PPP1R16B: variants seen among roughly 807,000 people sequenced by gnomAD.
PPP1R16B encodes protein phosphatase 1 regulatory inhibitor subunit 16B.
A neutral mutation model predicts 61.7 loss-of-function variants in PPP1R16B; 14 were observed. The observed-to-expected ratio is 0.23, with a 90% CI of 0.15 to 0.35. The LOEUF (loss-of-function observed/expected upper bound fraction) is 0.35, where lower values mean the gene tolerates loss of function less well. Ranked by LOEUF, PPP1R16B falls within the 10% of genes least tolerant of loss-of-function variation. The pLI, the probability that PPP1R16B is intolerant of heterozygous loss-of-function variation, is 1.00. For missense variants in PPP1R16B, 547 were observed against 752.5 expected (o/e 0.73, Z 3.19); for synonymous variants, 266 against 305.3 (o/e 0.87, Z 1.34).
chr20:38,887,052 G>GGT (rs374859620), intron 2 of PPP1R16B, among the ~76,000 whole-genome samples: 4,136 of 150,484 alleles, frequency 0.027, 142 homozygotes, highest in African/African-American at 0.077. Context: ...GTGGGGCAAA[G>GGT]GTGTGTGTGT....
rs1435854913 is a variant in PPP1R16B, at chr20:38,899,211, G to GTCTCCAC, written c.468-1369_468-1368insCTCCACT. ...TGTACGAAAGCTCAGAGAAGTCACA[G>GTCTCCAC]TGGAGGGCTGTTAGGCCAAAGGACT... On this transcript the variant is annotated intron_variant, in intron 4 of 10. Coordinates refer to ENST00000299824, the MANE Select transcript of PPP1R16B (RefSeq NM_015568.4). Among the ~76,000 whole-genome samples the GTCTCCAC allele has an allele frequency of 1.5e-4, 23 of 152,350 alleles. 1 individual carries two copies. In the East Asian group the frequency reaches 4.2e-3, roughly 28 times the overall value.
chr20:38,918,883 A>C lies in PPP1R16B; in HGVS notation c.*217A>C. ...TGCTGCATCGTCTGCCATCTGACAC[A>C]AGGCCTGTCGTGGCCTCCTGGTTCA... On this transcript the variant is annotated 3_prime_UTR_variant, in exon 11 of 11. Coordinates refer to ENST00000299824, the MANE Select transcript of PPP1R16B (RefSeq NM_015568.4). The surrounding 1 kb of genome is among the most constrained non-coding windows in gnomAD (Gnocchi z 5.3). 1 of 509,246 alleles carries C rather than the reference A, an allele frequency of 2.0e-6. No individual in the cohort carries two copies. The highest frequency in any genetic ancestry group is 3.2e-6 in the Non-Finnish European group (1 of 312,586). 31.5% of individuals were successfully genotyped at this position (509,246 alleles called of 1,614,324 possible).
At chr20:38,902,572 A>G (rs1568682201) in intron 5 of PPP1R16B, 96 bp from the exon 6 acceptor site, 3 of 1,524,410 alleles carry the variant, frequency 2.0e-6, no homozygotes, top group East Asian at 2.3e-5. Context: ...GGCATATCCT[A>G]GGGAACAAGA....
intron 5 of PPP1R16B, among the ~76,000 whole-genome samples, chr20:38,901,348 C>G (rs918931082): frequency 1.7e-4 from 26 of 152,358 alleles, no homozygotes; most frequent in African/African-American, 6.3e-4. Flanking sequence ...CTATTCATCT[C>G]CTGCAGAGGT....
chr20:38,893,211 G>A (rs1182563079), intron 3 of PPP1R16B, among the ~76,000 whole-genome samples: 1 of 152,190 alleles, frequency 6.6e-6, no homozygotes, highest in East Asian at 1.9e-4. Context: ...CATTGTTATT[G>A]ACAATGTGAT....
rs1427820293 is a variant in PPP1R16B at position 38,907,156 on chromosome 20, A to G, written c.898+102A>G. 1.1e-6 allele frequency: 1 copy of G among 934,740 alleles called. No homozygotes were observed. The highest frequency in any genetic ancestry group is 1.7e-6 in the Non-Finnish European group (1 of 583,128). The allele number at this position is 934,740 out of a possible 1,614,324, so 57.9% of individuals were successfully genotyped here. A position where few individuals can be genotyped will look rare whatever the true frequency, so the allele number is the denominator to read the frequency against. On this transcript the variant is annotated intron_variant, in intron 8 of 10. Transcript: ENST00000299824. This position sits in a 1 kb window ranked among gnomAD's most constrained non-coding sequence, Gnocchi z 4.5. ...AATATATGGTTGTATAGATTGATGG[A>G]TTGGTGTCTAGATAGATAGATGGAT...
chr20:38,908,307 T>C (rs998570358), intron 10 of PPP1R16B, 114 bp downstream of exon 10: 3 of 1,335,986 alleles, frequency 2.2e-6, no homozygotes, highest in Non-Finnish European at 3.1e-6. Flanking sequence ...AGCCAGGCAC[T>C]GCCCTTAAAC....
rs182997275 is a variant in PPP1R16B at position 38,853,863 on chromosome 20, T to G, written c.250+17688T>G. ...TGGTCCTTTATCCAGCATGATGGTCTCAGGGTTCCAAGCAAGTAAGCCCCA... is the reference window on the plus strand; with the variant it reads ...TGGTCCTTTATCCAGCATGATGGTCGCAGGGTTCCAAGCAAGTAAGCCCCA... On this transcript the variant is annotated intron_variant, in intron 2 of 10. Transcript: ENST00000299824. Among the ~76,000 whole-genome samples, 21 of 152,314 alleles carry G rather than the reference T, an allele frequency of 1.4e-4. No homozygotes were observed. The East Asian group carries it at 3.7e-3, about 27-fold the overall frequency.
rs2085457690 is a variant in PPP1R16B, at chr20:38,907,931, C to T, written c.1024C>T (p.Arg342Cys). 1.2e-6 allele frequency: 2 copies of T among 1,614,040 alleles called. No homozygotes were observed. The highest frequency in any genetic ancestry group is 1.7e-6 in the Non-Finnish European group (2 of 1,180,022). ...CCGGAGGACCTCCAGCGCAGGCAGC[C>T]GTGGGTGAGTCCGGGGCAGGGCAGC... ...LSRRTSSAGS[R>C]GKVVRRASLS... is the part of the protein sequence containing the mutation. The change falls in exon 9 of 11, where the codon CGT becomes TGT. Residue 342 changes from arginine (R) to cysteine (C), a missense_variant. By Grantham distance (180) the Arg-to-Cys change is radical. Coordinates refer to ENST00000299824, the MANE Select transcript of PPP1R16B (RefSeq NM_015568.4). This position sits in a 1 kb window ranked among gnomAD's most constrained non-coding sequence, Gnocchi z 4.5.
chr20:38,858,942 G>A (rs928080613), intron 2 of PPP1R16B, among the ~76,000 whole-genome samples: 7 of 152,142 alleles, frequency 4.6e-5, no homozygotes, highest in Non-Finnish European at 7.4e-5. Context: ...GTAGTCCCAG[G>A]GCCTCCCCAT....
At chr20:38,873,079 C>T (rs1197887314) in intron 2 of PPP1R16B, 1 of 152,258 alleles carries the variant, frequency 6.6e-6, no homozygotes, top group African/African-American at 2.4e-5. Flanking sequence ...ACCCTTAGCT[C>T]AGGAGGGTGC....
chr20:38,892,046 T>C (rs2085296459), intron 3 of PPP1R16B, among the ~76,000 whole-genome samples: 2 of 150,462 alleles, frequency 1.3e-5, no homozygotes, highest in South Asian at 4.2e-4. Context: ...TATTATACCG[T>C]GCAACTTGGG....
chr20:38,848,775 A>T (rs1334272491), intron 2 of PPP1R16B, among the ~76,000 whole-genome samples: 13 of 152,190 alleles, frequency 8.5e-5, no homozygotes, highest in Admixed American at 7.9e-4. Flanking sequence ...ACATGGACAC[A>T]TAGAGGGGAA....
intron 2 of PPP1R16B, among the ~76,000 whole-genome samples, chr20:38,883,090 G>C (rs972593994): frequency 6.6e-6 from 1 of 152,166 alleles, no homozygotes; most frequent in African/African-American, 2.4e-5. Flanking sequence ...GGAAGGAAGA[G>C]AGATAGGAGG....
At chr20:38,865,489 A>C (rs754737437) in intron 2 of PPP1R16B, among the ~76,000 whole-genome samples, 1 of 151,890 alleles carries the variant, frequency 6.6e-6, no homozygotes, top group African/African-American at 2.4e-5. Context: ...ATGGGGTTTC[A>C]CCGTGTTAGC....
chr20:38,903,693 C>T (rs1179311914), intron 6 of PPP1R16B, among the ~76,000 whole-genome samples: 2 of 152,140 alleles, frequency 1.3e-5, no homozygotes, highest in Non-Finnish European at 2.9e-5. Flanking sequence ...TTTACTAGAC[C>T]CTGGAGACAG....
At chr20:38,891,724 C>T (rs2085293713) in intron 3 of PPP1R16B, among the ~76,000 whole-genome samples, 1 of 151,998 alleles carries the variant, frequency 6.6e-6, no homozygotes, top group African/African-American at 2.4e-5. Context: ...TTTGCTTGAA[C>T]CCGGGAGACA....
At chr20:38,807,154 C>T (rs1188929554) in intron 1 of PPP1R16B, among the ~76,000 whole-genome samples, 1 of 152,158 alleles carries the variant, frequency 6.6e-6, no homozygotes, top group Non-Finnish European at 1.5e-5. Context: ...GGGGTACTTC[C>T]CTGTGTACCC....
intron 1 of PPP1R16B, among the ~76,000 whole-genome samples, chr20:38,812,846 T>C (rs558431478): frequency 6.6e-6 from 1 of 152,136 alleles, no homozygotes; most frequent in Non-Finnish European, 1.5e-5. Context: ...AGAACTTACT[T>C]GGATAGGGAG....
Sources: allele counts gnomAD v4.1 joint callset (sites outside exome capture counted in the v4.1 genomes callset), GRCh38; gene constraint gnomAD v4.1.1; non-coding constraint Gnocchi (gnomAD v3.1); transcripts MANE v1.5; gene names NCBI Gene and HGNC (gene_info 2026-07-23, HGNC 2026-07-21).